Variants in SYT1 observed in about 807,000 individuals in gnomAD.
SYT1 encodes the protein synaptotagmin 1, also known as synaptotagmin-1.
Under a neutral mutation model 44.8 loss-of-function variants are expected in SYT1, and 8 were observed. The observed-to-expected ratio is 0.18, with a 90% CI of 0.10 to 0.32. The LOEUF is 0.32. SYT1 is among the 10% of genes least tolerant of loss of function. The pLI is 1.00. For synonymous variants in SYT1, 154 were observed against 188.8 expected, an observed-to-expected ratio of 0.82 and a Z score of 1.51; for missense variants, 286 against 509.3, an observed-to-expected ratio of 0.56 and a Z score of 4.22.
At chr12:79,370,123 C>A (rs1399876068) in intron 9 of SYT1, among the ~76,000 whole-genome samples, 1 of 152,050 alleles carries the variant, frequency 6.6e-6, no homozygotes, top group Non-Finnish European at 1.5e-5. Flanking sequence ...AACAGAGTTC[C>A]TATACTCTAT....
At chr12:79,231,949 T>C (rs1236365810) in intron 4 of SYT1, among the ~76,000 whole-genome samples, 1 of 152,184 alleles carries the variant, frequency 6.6e-6, no homozygotes, top group African/African-American at 2.4e-5. Flanking sequence ...TTGTTTGCTA[T>C]GGTGAGCATC....
intron 2 of SYT1, among the ~76,000 whole-genome samples, chr12:78,989,902 T>G (rs976955265): frequency 2.6e-5 from 4 of 152,100 alleles, no homozygotes; most frequent in Non-Finnish European, 5.9e-5. Context: ...ACACCCACTG[T>G]GCACTCAAGA....
At chr12:79,419,475 GC>G (rs926977507) in intron 9 of SYT1, among the ~76,000 whole-genome samples, 7 of 152,262 alleles carry the variant, frequency 4.6e-5, no homozygotes, top group African/African-American at 1.4e-4. Context: ...TGCAGAAGTT[GC>G]CAGATAATGG....
At chr12:79,028,570 C>T (rs1872661027) in intron 2 of SYT1, among the ~76,000 whole-genome samples, 1 of 151,270 alleles carries the variant, frequency 6.6e-6, no homozygotes, top group Admixed American at 6.6e-5. Flanking sequence ...GCACTCAATA[C>T]ATCTTTGTTG....
At chr12:79,355,961 T>C (rs374314741) in intron 9 of SYT1, among the ~76,000 whole-genome samples, 4 of 152,022 alleles carry the variant, frequency 2.6e-5, no homozygotes, top group African/African-American at 9.7e-5. Context: ...AGCATGAGTC[T>C]ACCAAGAGAT....
chr12:79,370,072 C>A (rs1437339135), intron 9 of SYT1, among the ~76,000 whole-genome samples: 1 of 152,132 alleles, frequency 6.6e-6, no homozygotes, highest in Non-Finnish European at 1.5e-5. Flanking sequence ...ACTGTGAAAT[C>A]TTATTACCGA....
chr12:79,059,654 T>C (rs900520793), intron 3 of SYT1, among the ~76,000 whole-genome samples: 2 of 152,096 alleles, frequency 1.3e-5, no homozygotes, highest in Admixed American at 6.6e-5. Flanking sequence ...GCTGTACTTG[T>C]TGTGGGCTGG....
intron 3 of SYT1, among the ~76,000 whole-genome samples, chr12:79,125,464 A>AAAAAAAAAG (rs1361878642): frequency 1.3e-5 from 2 of 151,126 alleles, no homozygotes; most frequent in Non-Finnish European, 3.0e-5. Flanking sequence ...AAAAAAAAAA[A>AAAAAAAAAG]AAATTAGCTG....
At chr12:79,260,370 G>C (rs1008432773) in intron 4 of SYT1, among the ~76,000 whole-genome samples, 1 of 152,148 alleles carries the variant, frequency 6.6e-6, no homozygotes, top group Non-Finnish European at 1.5e-5. Context: ...GTCTTATTTT[G>C]ACATAATGCT....
chr12:78,893,777 T>C (rs1875185572), intron 1 of SYT1, among the ~76,000 whole-genome samples: 1 of 151,722 alleles, frequency 6.6e-6, no homozygotes, highest in East Asian at 1.9e-4. Flanking sequence ...TGGTGCAGTG[T>C]TAATAAATTA....
At chr12:79,127,942 G>T (rs1327011279) in intron 3 of SYT1, among the ~76,000 whole-genome samples, 1 of 152,114 alleles carries the variant, frequency 6.6e-6, no homozygotes, top group East Asian at 1.9e-4. Context: ...AGATAGATGG[G>T]TAGATAGGTA....
At chr12:78,889,429 G>C (rs1874924816) in intron 1 of SYT1, among the ~76,000 whole-genome samples, 1 of 151,898 alleles carries the variant, frequency 6.6e-6, no homozygotes, top group Non-Finnish European at 1.5e-5. Context: ...CACCATAAAT[G>C]ACAGTATAAA....
At chr12:79,211,544 C>T (rs983740319) in intron 3 of SYT1, among the ~76,000 whole-genome samples, 1 of 151,600 alleles carries the variant, frequency 6.6e-6, no homozygotes, top group East Asian at 1.9e-4. Flanking sequence ...CACCCACTAA[C>T]TCATCATCTA....
At chr12:79,067,505 T>A (rs1183749790) in intron 3 of SYT1, among the ~76,000 whole-genome samples, 2 of 152,210 alleles carry the variant, frequency 1.3e-5, no homozygotes, top group Non-Finnish European at 2.9e-5. Context: ...ACATTTAAGA[T>A]GCTTTACTTG....
rs1003153675 is a variant in SYT1 at position 79,328,636 on chromosome 12, G to A, written c.811-24866G>A. Among the ~76,000 whole-genome samples the A allele has an allele frequency of 2.0e-5, 3 of 152,166 alleles. No individual in the cohort carries two copies. In the East Asian group the frequency reaches 5.8e-4, roughly 30 times the overall value. ...CTGAGGCGGGCAGATCACGAGGTTA[G>A]GAGATCGAGACCATCCTGGCTAACA... On this transcript the variant is annotated intron_variant, in intron 8 of 10. Transcript: ENST00000261205.
chr12:79,293,251 G>A (rs1879681546), intron 6 of SYT1, among the ~76,000 whole-genome samples: 1 of 151,424 alleles, frequency 6.6e-6, no homozygotes, highest in Non-Finnish European at 1.5e-5. Context: ...GTGAACCCGG[G>A]AGGCAGAGCT....
intron 1 of SYT1, among the ~76,000 whole-genome samples, chr12:78,901,262 T>A (rs973511812): frequency 1.3e-5 from 2 of 152,128 alleles, no homozygotes; most frequent in Admixed American, 6.6e-5. Context: ...TTGAATTGAA[T>A]GTGGACCTCC....
rs149840039 is a variant in SYT1, at chr12:79,415,543, T to C, written c.929-28530T>C. ...GTTTTACCACTTAAACATTTTTGTA[T>C]GATAGCACATAAATAGCTGCCTACG... On this transcript the variant is annotated intron_variant, in intron 9 of 10. Coordinates refer to ENST00000261205, the MANE Select transcript of SYT1 (RefSeq NM_005639.3). 6.3e-3 allele frequency among the ~76,000 whole-genome samples: 955 copies of C among 152,314 alleles called. 3 individuals are homozygous for C. Among genetic ancestry groups the C allele is most frequent in the Middle Eastern group, 0.017 (5 of 294 alleles).
intron 8 of SYT1, among the ~76,000 whole-genome samples, chr12:79,306,487 G>C (rs1466665958): frequency 6.6e-6 from 1 of 152,192 alleles, no homozygotes; most frequent in Admixed American, 6.5e-5. Flanking sequence ...TGTAATTACT[G>C]TGGGAAAGTG....
Sources: allele counts gnomAD v4.1 joint callset (sites outside exome capture counted in the v4.1 genomes callset), GRCh38; gene constraint gnomAD v4.1.1; transcripts MANE v1.5; gene names NCBI Gene and HGNC (gene_info 2026-07-23, HGNC 2026-07-21).